Variants in NT5C1B observed in about 807,000 individuals in gnomAD.
The protein encoded by NT5C1B is cytosolic 5'-nucleotidase 1B.
NT5C1B carries 44 observed loss-of-function variants against 57.8 expected under a neutral mutation model. That is an observed-to-expected ratio of 0.76 (90% CI 0.60 to 0.98). The LOEUF (loss-of-function observed/expected upper bound fraction) is 0.98, where lower values mean the gene tolerates loss of function less well. Ranked by LOEUF, NT5C1B falls within the 50% of genes least tolerant of loss-of-function variation. The probability of loss-of-function intolerance (pLI) is 0.00; values close to 1 mark genes in which losing one functional copy is unlikely to be tolerated. For missense variants in NT5C1B, 742 were observed against 719.5 expected, an observed-to-expected ratio of 1.03 and a Z score of -0.36; for synonymous variants, 284 against 282.6, an observed-to-expected ratio of 1.00 and a Z score of -0.05.
chr2:18,587,122 C>T (rs764058405), intron 2 of NT5C1B: 2 of 1,614,084 alleles, frequency 1.2e-6, no homozygotes, highest in East Asian at 2.2e-5. Context: ...GACGAGTGAC[C>T]CTGGAAGGGG....
intron 1 of NT5C1B, 81 bp from the exon 2 acceptor site, chr2:18,587,673 A>C: frequency 6.8e-7 from 1 of 1,474,516 alleles, no homozygotes; most frequent in Non-Finnish European, 9.1e-7. Flanking sequence ...AAAAGGATAA[A>C]GAAAACACAA....
intron 8 of NT5C1B, 28 bp from the exon 9 acceptor site, chr2:18,564,147 T>C: frequency 6.6e-7 from 1 of 1,516,214 alleles, no homozygotes; most frequent in Non-Finnish European, 8.8e-7. Context: ...ATCACAGCTG[T>C]GATACAGTGA....
Position 18,584,585 on chromosome 2 carries a change from AGTC to A in NT5C1B, c.649_651del (p.Asp217del). 6.2e-7 allele frequency: 1 copy of A among 1,612,722 alleles called. No individual in the cohort carries two copies. Among genetic ancestry groups the A allele is most frequent in the Non-Finnish European group, 8.5e-7 (1 of 1,179,508 alleles). On this transcript the variant is annotated inframe_deletion, in exon 4 of 9. Coordinates refer to ENST00000304081, the Ensembl canonical transcript of NT5C1B. The surrounding 1 kb of genome is among the most constrained non-coding windows in gnomAD (Gnocchi z 5.8). ...ATGGATGCCCAGTAGGCAGCCTCGTAGTCGTCCTCGTCCTCCCGCTGCTGCTGC... is the reference window on the plus strand; with the variant it reads ...ATGGATGCCCAGTAGGCAGCCTCGTAGTCCTCGTCCTCCCGCTGCTGCTGC...
intron 8 of NT5C1B, among the ~76,000 whole-genome samples, chr2:18,565,330 G>A (rs370645199): frequency 1.7e-4 from 26 of 152,252 alleles, no homozygotes; most frequent in Middle Eastern, 3.4e-3. Flanking sequence ...TCCTCTGCAT[G>A]TTGGCCGAAA....
chr2:18,587,052 C>G (rs150116798), intron 2 of NT5C1B: 1 of 1,614,048 alleles, frequency 6.2e-7, no homozygotes, highest in Non-Finnish European at 8.5e-7. Flanking sequence ...AATATAAATA[C>G]GTATTGTGTG....
intron 6 of NT5C1B, among the ~76,000 whole-genome samples, chr2:18,578,432 G>A (rs901890152): frequency 6.6e-6 from 1 of 152,058 alleles, no homozygotes; most frequent in Non-Finnish European, 1.5e-5. Context: ...GATCAAGTAG[G>A]CTTTATTCCT....
chr2:18,582,716 G>C, intron 6 of NT5C1B, 152 bp downstream of exon 6: 1 of 1,201,184 alleles, frequency 8.3e-7, no homozygotes, highest in Non-Finnish European at 1.1e-6. Flanking sequence ...GGCCTCTCTT[G>C]TTCTGACATA....
rs553114972 is a variant in NT5C1B at position 18,563,497 on chromosome 2, A to G, written c.*299T>C. 5 of 233,478 alleles carry G rather than the reference A, an allele frequency of 2.1e-5. No individual in the cohort carries two copies. In the South Asian group the frequency reaches 7.6e-4, roughly 35 times the overall value. The allele number at this position is 233,478 out of a possible 1,614,324, so 14.5% of individuals were successfully genotyped here. A position where few individuals can be genotyped will look rare whatever the true frequency, so the allele number is the denominator to read the frequency against. On this transcript the variant is annotated 3_prime_UTR_variant, in exon 9 of 9. Coordinates refer to ENST00000304081, the Ensembl canonical transcript of NT5C1B. ...TGTTTATAAAACTAAGTAAGCTTCT[A>G]AAACAGTGCCTTAAGCATGCAAATA...
At chr2:18,574,377 C>T (rs1178573701) in intron 8 of NT5C1B, among the ~76,000 whole-genome samples, 1 of 152,018 alleles carries the variant, frequency 6.6e-6, no homozygotes, top group African/African-American at 2.4e-5. Flanking sequence ...ACACTGTGGG[C>T]AGAAATGTCA....
intron 1 of NT5C1B, 126 bp from the exon 2 acceptor site, chr2:18,587,718 C>G: frequency 9.6e-6 from 10 of 1,044,746 alleles, no homozygotes; most frequent in Non-Finnish European, 1.3e-5. Flanking sequence ...AAGGTATAAA[C>G]TCTAGACCTT....
chr2:18,573,152 G>A (rs1438526150), intron 8 of NT5C1B, among the ~76,000 whole-genome samples: 1 of 152,076 alleles, frequency 6.6e-6, no homozygotes, highest in African/African-American at 2.4e-5. Context: ...GCAATGACAT[G>A]CATTATGCTA....
chr2:18,583,504 CTG>C, intron 5 of NT5C1B: 1 of 255,066 alleles, frequency 3.9e-6, no homozygotes, highest in East Asian at 9.4e-5. Flanking sequence ...CATGCTTTTA[CTG>C]TGTCTCATAA....
chr2:18,572,656 A>G (rs1043571940), intron 8 of NT5C1B, among the ~76,000 whole-genome samples: 1 of 152,232 alleles, frequency 6.6e-6, no homozygotes, highest in African/African-American at 2.4e-5. Context: ...TTCACCAAAG[A>G]AGATATGTGA....
intron 8 of NT5C1B, among the ~76,000 whole-genome samples, chr2:18,567,765 T>G (rs1363216961): frequency 6.6e-6 from 1 of 152,130 alleles, no homozygotes; most frequent in East Asian, 1.9e-4. Context: ...TAGGAGAAAT[T>G]AAAAGAACTA....
chr2:18,587,863 G>A (rs1406366434), intron 1 of NT5C1B, among the ~76,000 whole-genome samples: 18 of 152,078 alleles, frequency 1.2e-4, no homozygotes, highest in Admixed American at 1.2e-3. Flanking sequence ...TTTAAAGACT[G>A]ATAACATGGG....
At chr2:18,572,419 A>G (rs573339546) in intron 8 of NT5C1B, among the ~76,000 whole-genome samples, 28 of 152,316 alleles carry the variant, frequency 1.8e-4, no homozygotes, top group African/African-American at 5.8e-4. Context: ...TAAAAGCACA[A>G]TTTCTAAGAG....
chr2:18,577,012 T>C, intron 6 of NT5C1B, 117 bp from the exon 7 acceptor site: 2 of 1,520,838 alleles, frequency 1.3e-6, no homozygotes, highest in Non-Finnish European at 1.8e-6. Context: ...ACTGGCTTTA[T>C]TTGTGAACCT....
chr2:18,584,189 TGCCGTCC>T lies in NT5C1B; in HGVS notation c.783_789del (p.Asp262GlyfsTer24), dbSNP rs1666450087. On this transcript the variant is annotated frameshift_variant, in exon 5 of 9. Transcript: ENST00000304081. LOFTEE classifies it high-confidence loss of function. This position sits in a 1 kb window ranked among gnomAD's most constrained non-coding sequence, Gnocchi z 5.8. ...AGACCCTCTTGCTCGTAGATTTTCCTGCCGTCCACCATGTTGAAGAGCGCGCAGGATG... is the reference window on the plus strand; with the variant it reads ...AGACCCTCTTGCTCGTAGATTTTCCTACCATGTTGAAGAGCGCGCAGGATG... 5.0e-6 allele frequency: 8 copies of T among 1,614,070 alleles called. No homozygotes were observed. The highest frequency in any genetic ancestry group is 5.9e-6 in the Non-Finnish European group (7 of 1,180,044).
At position 18,586,250 on chromosome 2, in the gene NT5C1B, C is replaced by T. The variant is rs1395659276; in HGVS notation, c.258+4G>A. 1 of 1,613,112 alleles carries T rather than the reference C, an allele frequency of 6.2e-7. No individual in the cohort carries two copies. The highest frequency in any genetic ancestry group is 8.5e-7 in the Non-Finnish European group (1 of 1,179,632). ...CTACTACTCCCTTTCATCTTTACCTCTACCTTAGCACTGGTGTTCCTGCTT... is the reference window on the plus strand; with the variant it reads ...CTACTACTCCCTTTCATCTTTACCTTTACCTTAGCACTGGTGTTCCTGCTT... On this transcript the variant is annotated splice_donor_region_variant and intron_variant, in intron 3 of 8. Transcript: ENST00000304081.
Sources: allele counts gnomAD v4.1 joint callset (sites outside exome capture counted in the v4.1 genomes callset), GRCh38; gene constraint gnomAD v4.1.1; non-coding constraint Gnocchi (gnomAD v3.1); transcripts MANE v1.5; gene names NCBI Gene and HGNC (gene_info 2026-07-23, HGNC 2026-07-21).